IFT70A: variants seen among roughly 807,000 people sequenced by gnomAD.
The protein encoded by IFT70A is intraflagellar transport 70A.
At chr2:177,618,451 T>C in the IFT70A span, 1 of 1,601,354 alleles carries the variant, frequency 6.2e-7, no homozygotes, top group Non-Finnish European at 8.5e-7. Flanking sequence ...CTGGGCCTGG[T>C]ACAGGCGGTA....
At chr2:177,618,419 A>G in the IFT70A span, 1 of 1,612,178 alleles carries the variant, frequency 6.2e-7, no homozygotes. Flanking sequence ...GCCTCCGGAT[A>G]AAGGCAGGCC....
At chr2:177,617,744 G>A in the IFT70A span, 1 of 1,614,204 alleles carries the variant, frequency 6.2e-7, no homozygotes, top group Admixed American at 1.7e-5. Context: ...AAAGTCTCTG[G>A]AGGAAAGGGA....
the IFT70A span, chr2:177,616,824 T>C: frequency 3.1e-6 from 5 of 1,600,846 alleles, no homozygotes; most frequent in Non-Finnish European, 4.3e-6. Context: ...TAACAGCAGG[T>C]ATGTTTGTGC....
At chr2:177,615,930 TTAA>T in the IFT70A span, 5 of 152,160 alleles carry the variant, frequency 3.3e-5, no homozygotes, top group South Asian at 2.1e-4. Flanking sequence ...ACCAAAAATA[TTAA>T]TAAGCTTCCA....
the IFT70A span, chr2:177,615,761 G>A: frequency 1.1e-4 from 16 of 152,244 alleles, no homozygotes; most frequent in African/African-American, 3.8e-4. Flanking sequence ...GCTTCTGATA[G>A]TTCAAATGAT....
At chr2:177,617,982 G>A in the IFT70A span, 3 of 1,614,060 alleles carry the variant, frequency 1.9e-6, no homozygotes, top group African/African-American at 2.7e-5. Flanking sequence ...CTAAGGTGTT[G>A]CCAACACTGC....
the IFT70A span, chr2:177,618,611 C>A: frequency 1.9e-6 from 3 of 1,608,406 alleles, no homozygotes; most frequent in South Asian, 3.3e-5. Context: ...AGCAGCTGCA[C>A]CGCCTCGGCG....
At chr2:177,618,594 T>G in the IFT70A span, 12 of 1,604,660 alleles carry the variant, frequency 7.5e-6, no homozygotes, top group Non-Finnish European at 8.5e-6. Flanking sequence ...GCTGCAGTTC[T>G]CGGCCCAGCA....
the IFT70A span, chr2:177,618,386 G>A: frequency 6.2e-7 from 1 of 1,613,456 alleles, no homozygotes; most frequent in African/African-American, 1.3e-5. Context: ...GGGTTATCCA[G>A]GAGAAGGAAG....
At chr2:177,613,752 T>C in the IFT70A span, 3 of 152,208 alleles carry the variant, frequency 2.0e-5, no homozygotes, top group Admixed American at 2.0e-4. Context: ...CCCACATAAC[T>C]TACTAGGGTC....
the IFT70A span, chr2:177,616,992 G>A: frequency 1.2e-6 from 2 of 1,613,146 alleles, no homozygotes; most frequent in Non-Finnish European, 1.7e-6. Context: ...AAGGCTCCAA[G>A]CTTTTGATAA....
chr2:177,613,375 C>T, the IFT70A span: 1 of 152,172 alleles, frequency 6.6e-6, no homozygotes, highest in Non-Finnish European at 1.5e-5. Flanking sequence ...ATTCCTGAAG[C>T]TTTCTTTTGC....
chr2:177,616,959 A>G, the IFT70A span: 40 of 1,609,192 alleles, frequency 2.5e-5, no homozygotes, highest in African/African-American at 4.0e-5. Flanking sequence ...AATACCAGGT[A>G]TCTGTTCCCA....
At chr2:177,614,615 CACTT>C in the IFT70A span, 11 of 152,264 alleles carry the variant, frequency 7.2e-5, no homozygotes, top group South Asian at 6.2e-4. Flanking sequence ...AGTGCTCACT[CACTT>C]GACACTTACT....
At chr2:177,616,645 A>G in the IFT70A span, 2 of 1,395,042 alleles carry the variant, frequency 1.4e-6, no homozygotes, top group African/African-American at 1.5e-5. Flanking sequence ...CTAAATACAG[A>G]TAAAAAAAAG....
chr2:177,618,507 G>T, the IFT70A span: 2 of 1,586,072 alleles, frequency 1.3e-6, no homozygotes, highest in South Asian at 2.3e-5. Context: ...CATAGCACTC[G>T]GCCGCCAGCG....
chr2:177,613,502 G>C, the IFT70A span: 1 of 152,086 alleles, frequency 6.6e-6, no homozygotes, highest in East Asian at 1.9e-4. Flanking sequence ...TATAGTGTAT[G>C]GTTTTGGAAA....
the IFT70A span, chr2:177,617,994 A>G: frequency 6.2e-7 from 1 of 1,614,136 alleles, no homozygotes; most frequent in Non-Finnish European, 8.5e-7. Context: ...CAACACTGCG[A>G]ACATCAAAGC....
At chr2:177,618,319 T>A in the IFT70A span, 1 of 1,614,018 alleles carries the variant, frequency 6.2e-7, no homozygotes, top group East Asian at 2.2e-5. Context: ...CCCTGGCAGA[T>A]CGCCCTCGCT....
Sources: gnomAD v4.1 joint callset for allele counts on GRCh38, gnomAD v4.1.1 for gene constraint, MANE v1.5 for transcripts, NCBI Gene and HGNC (gene_info 2026-07-23, HGNC 2026-07-21) for gene names.